SLC30A7: variants seen among roughly 807,000 people sequenced by gnomAD.
SLC30A7 encodes zinc transporter 7.
SLC30A7 carries 35 observed loss-of-function variants against 46.0 expected under a neutral mutation model. The ratio of observed to expected loss-of-function variants is 0.76; its 90% CI spans 0.58 to 1.01. SLC30A7 has a LOEUF of 1.01. SLC30A7 is among the 50% of genes least tolerant of loss of function. SLC30A7 has a pLI of 0.00. For synonymous variants in SLC30A7, 147 were observed against 157.8 expected (o/e 0.93, Z 0.51); for missense variants, 464 against 451.1 (o/e 1.03, Z -0.26).
intron 8 of SLC30A7, among the ~76,000 whole-genome samples, chr1:100,954,404 TA>T (rs916584865): frequency 6.6e-5 from 10 of 152,066 alleles, no homozygotes; most frequent in South Asian, 4.1e-4. Flanking sequence ...AGGATTAAAT[TA>T]AAAAAAATTT....
intron 2 of SLC30A7, among the ~76,000 whole-genome samples, chr1:100,899,756 T>C (rs1357013993): frequency 6.6e-6 from 1 of 151,952 alleles, no homozygotes; most frequent in Non-Finnish European, 1.5e-5. Context: ...GGTGCTAGTG[T>C]TTCAGTCATC....
At position 100,921,723 on chromosome 1, in the gene SLC30A7, C is replaced by T. The variant is rs748947981; in HGVS notation, c.724C>T (p.Leu242=). The change falls in exon 8 of 11, where the codon CTA becomes TTA. Residue 242 remains leucine, a synonymous_variant. Transcript: ENST00000357650. ...QILQGVFLHI[L]ADTLGSIGVI... ...ATTTCTAGGTGTATTTTTACATATC[C>T]TAGCAGATACACTTGGAAGTATTGG... The T allele has an allele frequency of 6.2e-7, 1 of 1,611,422 alleles. No individual in the cohort carries two copies. The highest frequency in any genetic ancestry group is 2.2e-5 in the East Asian group (1 of 44,736).
chr1:100,985,128 A>G (rs1216744779), downstream of SLC30A7, among the ~76,000 whole-genome samples: 1 of 152,242 alleles, frequency 6.6e-6, no homozygotes. Flanking sequence ...TCTAGGCAAC[A>G]GAGAAAACAG....
intron 3 of SLC30A7, among the ~76,000 whole-genome samples, chr1:100,908,310 G>T (rs546458647): frequency 1.3e-5 from 2 of 152,136 alleles, no homozygotes; most frequent in South Asian, 4.2e-4. Flanking sequence ...TTTATTGAGG[G>T]TCCATATGAG....
At chr1:100,908,482 G>T (rs146383495) in intron 3 of SLC30A7, among the ~76,000 whole-genome samples, 167 of 152,272 alleles carry the variant, frequency 1.1e-3, no homozygotes, top group African/African-American at 3.7e-3. Flanking sequence ...GAGTTCTGTG[G>T]CAGAACTTGC....
At chr1:100,901,598 C>A (rs1440829859) in intron 2 of SLC30A7, among the ~76,000 whole-genome samples, 1 of 151,922 alleles carries the variant, frequency 6.6e-6, no homozygotes, top group Non-Finnish European at 1.5e-5. Context: ...GGGAGTACAG[C>A]CACGCCTGGC....
intron 8 of SLC30A7, among the ~76,000 whole-genome samples, chr1:100,961,086 C>G: frequency 6.6e-6 from 1 of 150,992 alleles, no homozygotes; most frequent in Non-Finnish European, 1.5e-5. Flanking sequence ...TCCCCAGTAG[C>G]TGGGACTACA....
the SLC30A7 span, among the ~76,000 whole-genome samples, chr1:100,988,281 CCACA>C: frequency 2.0e-5 from 3 of 152,128 alleles, no homozygotes; most frequent in Non-Finnish European, 2.9e-5. Flanking sequence ...CCACGCCTTA[CCACA>C]CAGTCTGGGA....
At chr1:100,951,801 C>T (rs1388453363) in intron 8 of SLC30A7, among the ~76,000 whole-genome samples, 2 of 152,288 alleles carry the variant, frequency 1.3e-5, no homozygotes, top group East Asian at 1.9e-4. Context: ...AGAAGAATGG[C>T]CCCAAAGATG....
At chr1:100,954,157 T>C (rs899518771) in intron 8 of SLC30A7, among the ~76,000 whole-genome samples, 2 of 152,192 alleles carry the variant, frequency 1.3e-5, no homozygotes, top group Non-Finnish European at 2.9e-5. Flanking sequence ...GCTGGGGGAA[T>C]AAAATGAATA....
At chr1:100,903,481 A>G (rs1651442056) in intron 2 of SLC30A7, among the ~76,000 whole-genome samples, 1 of 152,116 alleles carries the variant, frequency 6.6e-6, no homozygotes, top group Non-Finnish European at 1.5e-5. Flanking sequence ...AATCTAAGAG[A>G]ATTGCATGAA....
intron 8 of SLC30A7, among the ~76,000 whole-genome samples, chr1:100,946,285 T>C (rs1264026836): frequency 6.6e-6 from 1 of 152,202 alleles, no homozygotes; most frequent in East Asian, 1.9e-4. Flanking sequence ...TCTTTCTTTC[T>C]CTTGCCTGAT....
intron 10 of SLC30A7, among the ~76,000 whole-genome samples, chr1:100,968,323 T>A (rs1235137778): frequency 6.6e-6 from 1 of 151,956 alleles, no homozygotes; most frequent in Non-Finnish European, 1.5e-5. Context: ...TAGCTGGGTA[T>A]GGTGGTGCAT....
chr1:100,922,578 G>A (rs1323160186), intron 8 of SLC30A7, among the ~76,000 whole-genome samples: 1 of 152,158 alleles, frequency 6.6e-6, no homozygotes, highest in African/African-American at 2.4e-5. Context: ...TTGTAAAAAT[G>A]CTACCTGAAA....
In SLC30A7 at chr1:100,979,939, C is replaced by T. The variant is rs1656824140; in HGVS notation, c.*5082C>T. On this transcript the variant is annotated 3_prime_UTR_variant, in exon 11 of 11. Transcript: ENST00000357650. ...CTCCTATAAAATTAGTGAATAATCACCATGACAAAATTGGTATGGCGGAAC... is the reference window on the plus strand; with the variant it reads ...CTCCTATAAAATTAGTGAATAATCATCATGACAAAATTGGTATGGCGGAAC... The T allele has an allele frequency of 6.6e-6, 1 of 152,074 alleles. No individual in the cohort carries two copies. Among genetic ancestry groups the T allele is most frequent in the African/African-American group, 2.4e-5 (1 of 41,430 alleles). The allele number at this position is 152,074 out of a possible 1,614,324, so 9.4% of individuals were successfully genotyped here.
intron 9 of SLC30A7, among the ~76,000 whole-genome samples, chr1:100,962,362 TAAAAC>T (rs1459690715): frequency 6.6e-6 from 1 of 152,054 alleles, no homozygotes; most frequent in African/African-American, 2.4e-5. Context: ...ATAGTAGAAA[TAAAAC>T]AAAGTGATGT....
chr1:100,939,886 GTTTA>G (rs1654243251), intron 8 of SLC30A7, among the ~76,000 whole-genome samples: 1 of 151,282 alleles, frequency 6.6e-6, no homozygotes. Flanking sequence ...TGCTTTTTGT[GTTTA>G]TTTATAAAAG....
chr1:100,973,181 C>T (rs929135821), intron 10 of SLC30A7, among the ~76,000 whole-genome samples: 1 of 152,068 alleles, frequency 6.6e-6, no homozygotes. Flanking sequence ...CTTTCAAGCA[C>T]TCAGTATTGT....
At position 100,967,151 on chromosome 1, in the gene SLC30A7, T is replaced by G. The variant is rs17123550; in HGVS notation, c.1083+1233T>G. ...AAATTCTGTTCTCAGTCTAGTTTGT[T>G]GGAAACATTTGGCAAAAAACCCTAG... On this transcript the variant is annotated intron_variant, in intron 10 of 10. Transcript: ENST00000357650. Among the ~76,000 whole-genome samples the G allele has an allele frequency of 4.5e-3, 685 of 152,306 alleles. 3 individuals carry two copies. The highest frequency in any genetic ancestry group is 0.015 in the African/African-American group (624 of 41,558).
Sources: gnomAD v4.1 joint callset for allele counts (sites outside exome capture counted in the v4.1 genomes callset) on GRCh38, gnomAD v4.1.1 for gene constraint, MANE v1.5 for transcripts, NCBI Gene and HGNC (gene_info 2026-07-23, HGNC 2026-07-21) for gene names.